The following ZNF418 variants were observed in gnomAD, a reference collection of about 807,000 sequenced individuals.
ZNF418 encodes the protein zinc finger protein 418.
A neutral mutation model predicts 32.0 loss-of-function variants in ZNF418; 32 were observed. The ratio of observed to expected loss-of-function variants is 1.00; its 90% CI spans 0.75 to 1.34. The LOEUF is 1.34. Among genes scored for constraint, ZNF418 ranks in the 40% most tolerant of loss-of-function variants. ZNF418 has a pLI of 0.00. For missense variants in ZNF418, 804 were observed against 812.5 expected (o/e 0.99, Z 0.13); for synonymous variants, 276 against 270.7 (o/e 1.02, Z -0.19).
intron 3 of ZNF418, among the ~76,000 whole-genome samples, chr19:57,930,207 C>T (rs532807927): frequency 6.6e-6 from 1 of 152,296 alleles, no homozygotes; most frequent in South Asian, 2.1e-4. Context: ...CTGACTCTAA[C>T]TCCTTCCCTG....
At chr19:57,934,899 A>G in intron 1 of ZNF418, 3 of 638,490 alleles carry the variant, frequency 4.7e-6, no homozygotes, top group Non-Finnish European at 4.6e-6. Context: ...TTCGCCTCAC[A>G]CGTTGTTCCC....
At chr19:57,924,771 G>A (rs924657193) in intron 4 of ZNF418, among the ~76,000 whole-genome samples, 4 of 152,084 alleles carry the variant, frequency 2.6e-5, no homozygotes, top group African/African-American at 4.8e-5. Context: ...TTTTCGTGTC[G>A]ATCTCAGAAG....
At chr19:57,934,199 G>A (rs2123108849) in intron 1 of ZNF418, 1 of 1,137,858 alleles carries the variant, frequency 8.8e-7, no homozygotes, top group South Asian at 2.8e-5. Flanking sequence ...AGGCCAGTGA[G>A]GGAATGGAAC....
chr19:57,932,279 G>A, intron 2 of ZNF418: 2 of 684,662 alleles, frequency 2.9e-6, no homozygotes, highest in South Asian at 1.7e-5. Flanking sequence ...GAGTGGGAAG[G>A]GGATTTGTGC....
Position 57,927,340 on chromosome 19 carries a change from T to C in ZNF418, c.841A>G (p.Thr281Ala), listed in dbSNP as rs564835287. Residue 281 changes from threonine to alanine, a missense_variant, in exon 4 of 6, where the codon ACT becomes GCT. Coordinates refer to ENST00000396147, the MANE Select transcript of ZNF418 (RefSeq NM_133460.3). ...GSLVQHQRVH[T>A]GKRPYECGEC... Reference sequence around the variant, plus strand: ...CCACATTCATAAGGTCTTTTCCCAGTGTGAACTCGCTGATGCTGAACAAGG... The same window carrying C: ...CCACATTCATAAGGTCTTTTCCCAGCGTGAACTCGCTGATGCTGAACAAGG... 1 of 1,614,060 alleles carries C rather than the reference T, an allele frequency of 6.2e-7. No homozygotes were observed. Among genetic ancestry groups the C allele is most frequent in the African/African-American group, 1.3e-5 (1 of 74,998 alleles).
intron 3 of ZNF418, 23 bp from the exon 4 acceptor site, chr19:57,928,070 G>T (rs2072325084): frequency 2.0e-6 from 3 of 1,515,040 alleles, no homozygotes; most frequent in South Asian, 2.6e-5. Flanking sequence ...AAATGCTGAT[G>T]AATTCAAGTT....
intron 4 of ZNF418, among the ~76,000 whole-genome samples, 197 bp downstream of exon 4, chr19:57,925,426 A>C (rs1193974412): frequency 1.3e-5 from 2 of 150,038 alleles, no homozygotes; most frequent in African/African-American, 4.9e-5. Flanking sequence ...ACGCCACTGT[A>C]CTCCAGCCTG....
intron 2 of ZNF418, 110 bp downstream of exon 2, chr19:57,933,707 C>A: frequency 7.1e-7 from 1 of 1,403,330 alleles, no homozygotes; most frequent in Non-Finnish European, 1.0e-6. Flanking sequence ...GGCGATAGAG[C>A]GAGACTCCCG....
chr19:57,932,328 A>C (rs752062603), intron 2 of ZNF418: 1 of 1,062,548 alleles, frequency 9.4e-7, no homozygotes, highest in Non-Finnish European at 1.4e-6. Flanking sequence ...CCACACACCA[A>C]CGTTGCACAT....
chr19:57,926,873 A>C lies in ZNF418; in HGVS notation c.1308T>G (p.Ser436Arg). 1 of 1,614,018 alleles carries C rather than the reference A, an allele frequency of 6.2e-7. No homozygotes were observed. The highest frequency in any genetic ancestry group is 8.5e-7 in the Non-Finnish European group (1 of 1,179,992). ...YECGECGKSF[S>R]RKGNLIQHQR... Reference sequence around the variant, plus strand: ...GATGCTGAATGAGGTTGCCCTTTCGACTAAAAGATTTCCCACATTCTCCAC... The same window carrying C: ...GATGCTGAATGAGGTTGCCCTTTCGCCTAAAAGATTTCCCACATTCTCCAC... Residue 436 changes from serine to arginine, a missense_variant, in exon 4 of 6, where the codon AGT (serine) becomes AGG (arginine). Transcript: ENST00000396147.
chr19:57,934,105 A>C, intron 1 of ZNF418: 1 of 1,387,718 alleles, frequency 7.2e-7, no homozygotes, highest in Non-Finnish European at 9.3e-7. Context: ...GGGTTTCTCC[A>C]GTGTTCTCAG....
intron 2 of ZNF418, among the ~76,000 whole-genome samples, chr19:57,933,222 G>A (rs371505493): frequency 3.9e-5 from 6 of 152,176 alleles, no homozygotes; most frequent in Admixed American, 6.5e-5. Flanking sequence ...CACTGCAGAT[G>A]CTAAGACCAA....
chr19:57,929,738 A>G (rs1206156798), intron 3 of ZNF418, among the ~76,000 whole-genome samples: 1 of 150,890 alleles, frequency 6.6e-6, no homozygotes, highest in Non-Finnish European at 1.5e-5. Flanking sequence ...GCTGGAGTGC[A>G]GTGGTGCGAT....
chr19:57,927,567 C>T lies in ZNF418; in HGVS notation c.614G>A (p.Cys205Tyr), dbSNP rs2072295965. The T allele has an allele frequency of 1.2e-6, 2 of 1,614,214 alleles. No individual in the cohort carries two copies. Among genetic ancestry groups the T allele is most frequent in the Non-Finnish European group, 1.7e-6 (2 of 1,180,044 alleles). ...PFQWGDTHYS[C>Y]GECMKHSSTK... is the part of the protein sequence containing the mutation. ...GCTAGAATGTTTCATGCATTCTCCA[C>T]AGCTGTAATGAGTATCTCCCCACTG... Residue 205 changes from cysteine (C) to tyrosine (Y), a missense_variant, in exon 4 of 6, where the codon TGT (cysteine) becomes TAT (tyrosine). This residue lies in a region of ZNF418 where 307 missense variants were observed against 304.9 expected (regional missense o/e 1.01). Transcript: ENST00000396147.
chr19:57,932,433 A>G, intron 2 of ZNF418: 1 of 1,535,422 alleles, frequency 6.5e-7, no homozygotes, highest in Non-Finnish European at 8.7e-7. Flanking sequence ...ATATTACCAC[A>G]GAATTCTCAT....
chr19:57,933,244 T>C (rs2072552087), intron 2 of ZNF418, among the ~76,000 whole-genome samples: 1 of 152,206 alleles, frequency 6.6e-6, no homozygotes, highest in Non-Finnish European at 1.5e-5. Flanking sequence ...AACCTGGTGG[T>C]CATACCTGAT....
Position 57,927,644 on chromosome 19 carries a change from G to C in ZNF418, c.537C>G (p.Ala179=). 2 of 1,613,992 alleles carry C rather than the reference G, an allele frequency of 1.2e-6. No homozygotes were observed. The highest frequency in any genetic ancestry group is 1.7e-6 in the Non-Finnish European group (2 of 1,179,902). ...TGTTTGACTTCTCCCCAGTGTGAGT[G>C]GCCTCCTGCAGCAGTAATCCTGAGC... ...LPSSGLLLQE[A]THTGEKSNSK... The change falls in exon 4 of 6, where the codon GCC becomes GCG. Residue 179 remains alanine (A), a synonymous_variant. Transcript: ENST00000396147.
At chr19:57,932,315 T>C in intron 2 of ZNF418, 1 of 923,558 alleles carries the variant, frequency 1.1e-6, no homozygotes, top group Non-Finnish European at 1.7e-6. Flanking sequence ...TCATACAGTA[T>C]CACCACACAC....
chr19:57,929,686 C>CTT (rs71940099), intron 3 of ZNF418, among the ~76,000 whole-genome samples: 7 of 145,428 alleles, frequency 4.8e-5, no homozygotes, highest in Non-Finnish European at 6.1e-5. Context: ...AACAGAATTT[C>CTT]TTTTTTTTTT....
Sources: allele counts gnomAD v4.1 joint callset (sites outside exome capture counted in the v4.1 genomes callset), GRCh38; gene constraint gnomAD v4.1.1; regional missense constraint gnomAD v4.1.1; transcripts MANE v1.5; gene names NCBI Gene and HGNC (gene_info 2026-07-23, HGNC 2026-07-21).